Variants in PCCA observed in about 807,000 individuals in gnomAD.
PCCA encodes the protein propionyl-CoA carboxylase subunit alpha.
A neutral mutation model predicts 101.3 loss-of-function variants in PCCA; 74 were observed. The observed-to-expected ratio is 0.73, with a 90% CI of 0.61 to 0.89. The LOEUF is 0.89. Ranked by LOEUF, PCCA falls within the 40% of genes least tolerant of loss-of-function variation. The pLI, the probability that PCCA is intolerant of heterozygous loss-of-function variation, is 0.00. For missense variants in PCCA, 891 were observed against 907.0 expected, an observed-to-expected ratio of 0.98 and a Z score of 0.23; for synonymous variants, 294 against 313.6, an observed-to-expected ratio of 0.94 and a Z score of 0.66.
At chr13:100,217,571 G>C (rs141017130) in intron 7 of PCCA, among the ~76,000 whole-genome samples, 1 of 150,860 alleles carries the variant, frequency 6.6e-6, no homozygotes, top group African/African-American at 2.4e-5. Context: ...ATCAGTTTTT[G>C]TGTGTGTGTG....
In PCCA at chr13:100,325,029, A is replaced by G. The variant is rs541166779; in HGVS notation, c.1430-5532A>G. Among the ~76,000 whole-genome samples, 14 of 152,312 alleles carry G rather than the reference A, an allele frequency of 9.2e-5. No individual in the cohort carries two copies. In the South Asian group the frequency reaches 2.9e-3, roughly 32 times the overall value. ...AGAAAAAGTTGAATTACTTGATAAT[A>G]TATGGTAGATTGAGGTCTGCAGATG... On this transcript the variant is annotated intron_variant, in intron 16 of 23. Transcript: ENST00000376285.
chr13:100,354,910 G>A (rs1406454319), intron 18 of PCCA, among the ~76,000 whole-genome samples: 1 of 152,046 alleles, frequency 6.6e-6, no homozygotes, highest in African/African-American at 2.4e-5. Context: ...AAAAGTTAAA[G>A]GAAAATTACT....
chr13:100,454,060 G>A lies in PCCA; in HGVS notation c.1899+4755G>A, dbSNP rs180762096. 4.8e-3 allele frequency among the ~76,000 whole-genome samples: 729 copies of A among 151,970 alleles called. 8 individuals carry two copies. Among genetic ancestry groups the A allele is most frequent in the African/African-American group, 0.017 (712 of 41,432 alleles). On this transcript the variant is annotated intron_variant, in intron 21 of 23. Coordinates refer to ENST00000376285, the MANE Select transcript of PCCA (RefSeq NM_000282.4). The stretch of plus-strand genomic sequence containing the variant: ...TAATTTTTTTGTATTTTTAGTAGAG[G>A]CAGGGTTTCACTGTGTTAGCCAGGA...
Position 100,102,898 on chromosome 13 carries a change from T to G in PCCA, c.121T>G (p.Ser41Ala). ...LRTLKHVLYY[S>A]RQCLMVSRNL... Reference sequence around the variant, plus strand: ...TTTTTTGTAGCATGTTCTGTACTATTCAAGACAGTGCTTAATGGTGTCCCG... The same window carrying G: ...TTTTTTGTAGCATGTTCTGTACTATGCAAGACAGTGCTTAATGGTGTCCCG... Residue 41 changes from serine (S) to alanine (A), a missense_variant, in exon 2 of 24, where the codon TCA becomes GCA. Physicochemically the swap from Ser to Ala is moderately conservative, Grantham distance 99 (BLOSUM62 1). Coordinates refer to ENST00000376285, the MANE Select transcript of PCCA (RefSeq NM_000282.4). 6.2e-7 allele frequency: 1 copy of G among 1,611,578 alleles called. No homozygotes were observed. Among genetic ancestry groups the G allele is most frequent in the Non-Finnish European group, 8.5e-7 (1 of 1,177,696 alleles).
chr13:100,206,792 T>C (rs945417489), intron 6 of PCCA, among the ~76,000 whole-genome samples: 3 of 152,176 alleles, frequency 2.0e-5, no homozygotes, highest in Admixed American at 1.3e-4. Flanking sequence ...TAGGAGGGAC[T>C]TTCTGACCTT....
intron 2 of PCCA, among the ~76,000 whole-genome samples, chr13:100,107,541 T>C (rs1437151104): frequency 6.6e-6 from 1 of 152,068 alleles, no homozygotes; most frequent in African/African-American, 2.4e-5. Flanking sequence ...AAAAAAGTGA[T>C]CTTAGGTGTT....
intron 6 of PCCA, among the ~76,000 whole-genome samples, chr13:100,185,846 C>T (rs2057216443): frequency 6.6e-6 from 1 of 152,180 alleles, no homozygotes; most frequent in South Asian, 2.1e-4. Flanking sequence ...GGGGTTTCTC[C>T]ATGTTGGTGA....
rs2084490255 is a variant in PCCA at position 100,487,594 on chromosome 13, G to A, written c.1900-27833G>A. 4.6e-5 allele frequency among the ~76,000 whole-genome samples: 7 copies of A among 152,252 alleles called. No individual in the cohort carries two copies. The South Asian group carries it at 1.4e-3, about 32-fold the overall frequency. On this transcript the variant is annotated intron_variant, in intron 21 of 23. Coordinates refer to ENST00000376285, the MANE Select transcript of PCCA (RefSeq NM_000282.4). ...GATGTCTGTTTTGAATCTCCAAGAT[G>A]GAATATAGAATGCAGCATTTCTCAA...
chr13:100,310,290 A>G (rs2066810150), intron 16 of PCCA, among the ~76,000 whole-genome samples: 1 of 152,220 alleles, frequency 6.6e-6, no homozygotes, highest in Non-Finnish European at 1.5e-5. Flanking sequence ...GCGAGTTTAG[A>G]TAGACATAAA....
intron 21 of PCCA, chr13:100,473,088 A>G (rs751773750): frequency 6.6e-6 from 1 of 152,158 alleles, no homozygotes; most frequent in Non-Finnish European, 1.5e-5. Flanking sequence ...CTAGAATGGA[A>G]TAATTAGGAA....
chr13:100,156,970 A>G (rs1256741605), intron 5 of PCCA, among the ~76,000 whole-genome samples: 1 of 152,254 alleles, frequency 6.6e-6, no homozygotes, highest in East Asian at 1.9e-4. Flanking sequence ...GTTTTGTTGA[A>G]TAGTGTAGAC....
chr13:100,152,880 G>A (rs1269600960), intron 4 of PCCA, among the ~76,000 whole-genome samples: 1 of 152,178 alleles, frequency 6.6e-6, no homozygotes, highest in Non-Finnish European at 1.5e-5. Flanking sequence ...GACTAAAAAT[G>A]TCAATACTAT....
At chr13:100,426,378 G>T (rs1273968602) in intron 20 of PCCA, among the ~76,000 whole-genome samples, 1 of 151,660 alleles carries the variant, frequency 6.6e-6, no homozygotes, top group Admixed American at 6.6e-5. Flanking sequence ...AAAAATCATG[G>T]AACATGTGGC....
chr13:100,328,452 G>A (rs1461276792), intron 16 of PCCA, among the ~76,000 whole-genome samples: 1 of 149,606 alleles, frequency 6.7e-6, no homozygotes, highest in African/African-American at 2.4e-5. Context: ...CTCTCAGGCT[G>A]TAGTTTGTTA....
chr13:100,146,986 G>A (rs1321809718), intron 4 of PCCA, among the ~76,000 whole-genome samples: 1 of 147,352 alleles, frequency 6.8e-6, no homozygotes, highest in Non-Finnish European at 1.5e-5. Flanking sequence ...CTGGGTAGCA[G>A]TTAAAAATTA....
In PCCA at chr13:100,268,739, C is replaced by A. The variant is rs141174380; in HGVS notation, c.870C>A (p.Cys290Ter). The A allele has an allele frequency of 6.2e-7, 1 of 1,613,902 alleles. No individual in the cohort carries two copies. The highest frequency in any genetic ancestry group is 1.3e-5 in the African/African-American group (1 of 74,904). The change falls in exon 11 of 24, where the codon TGC becomes TGA. Residue 290 changes from cysteine (C) to a stop codon, truncating the protein, a stop_gained. Coordinates refer to ENST00000376285, the MANE Select transcript of PCCA (RefSeq NM_000282.4). LOFTEE classifies it high-confidence loss of function. Reference sequence around the variant, plus strand: ...CTTTATGGCTTAATGAAAGAGAGTGCTCAATTCAGAGAAGAAATCAGAAGG... The same window carrying A: ...CTTTATGGCTTAATGAAAGAGAGTGATCAATTCAGAGAAGAAATCAGAAGG... ...GNALWLNERE[C>*]SIQRRNQKVV...
chr13:100,362,198 T>C (rs757377682), intron 18 of PCCA, among the ~76,000 whole-genome samples: 118 of 152,250 alleles, frequency 7.8e-4, no homozygotes, highest in Non-Finnish European at 1.4e-3. Context: ...TCTGGTTGAC[T>C]GTTAGTGGCA....
intron 21 of PCCA, among the ~76,000 whole-genome samples, chr13:100,462,783 A>G (rs1404746153): frequency 1.3e-5 from 2 of 152,222 alleles, no homozygotes; most frequent in African/African-American, 4.8e-5. Context: ...AATTCTGGCA[A>G]TTCAAAGGAA....
intron 4 of PCCA, among the ~76,000 whole-genome samples, chr13:100,112,827 C>T (rs544995073): frequency 1.4e-4 from 22 of 152,128 alleles, no homozygotes; most frequent in African/African-American, 4.6e-4. Context: ...CTGCCTGCCC[C>T]GGCCTCCCAA....
Sources: gnomAD v4.1 joint callset for allele counts (sites outside exome capture counted in the v4.1 genomes callset) on GRCh38, gnomAD v4.1.1 for gene constraint, MANE v1.5 for transcripts, NCBI Gene and HGNC (gene_info 2026-07-23, HGNC 2026-07-21) for gene names.